The following ANO3 variants were observed in gnomAD, a reference collection of about 807,000 sequenced individuals.
ANO3 encodes the protein anoctamin-3.
In ANO3, 99 loss-of-function variants were observed where a neutral mutation model predicts 144.8. The observed-to-expected ratio is 0.68, with a 90% CI of 0.58 to 0.81. The LOEUF (loss-of-function observed/expected upper bound fraction) is 0.81. ANO3 is among the 30% of genes least tolerant of loss of function. ANO3 has a pLI of 0.00. For synonymous variants in ANO3, 414 were observed against 392.6 expected (o/e 1.05, Z -0.64); for missense variants, 905 against 1,202.2 (o/e 0.75, Z 3.66).
At chr11:26,231,909 G>A (rs1210176532) in intron 1 of ANO3, among the ~76,000 whole-genome samples, 1 of 152,206 alleles carries the variant, frequency 6.6e-6, no homozygotes, top group Non-Finnish European at 1.5e-5. Flanking sequence ...TAAGTTCACA[G>A]AGCTTATAAA....
intron 1 of ANO3, among the ~76,000 whole-genome samples, chr11:26,364,040 G>A (rs1300826713): frequency 6.6e-6 from 1 of 152,182 alleles, no homozygotes; most frequent in Non-Finnish European, 1.5e-5. Flanking sequence ...TTACTTAGAA[G>A]AATAGGTTGA....
chr11:26,315,679 A>G (rs868331126), intron 1 of ANO3, among the ~76,000 whole-genome samples: 1 of 143,342 alleles, frequency 7.0e-6, no homozygotes, highest in African/African-American at 2.6e-5. Context: ...CTATCTATCT[A>G]TCTATCCATC....
chr11:26,565,375 C>A (rs1850528495), intron 14 of ANO3: 1 of 1,613,034 alleles, frequency 6.2e-7, no homozygotes, highest in Non-Finnish European at 8.5e-7. Flanking sequence ...GAACTGTTAT[C>A]AGGAGTTTTC....
chr11:26,390,622 C>G (rs559173507), intron 1 of ANO3, among the ~76,000 whole-genome samples: 2 of 152,092 alleles, frequency 1.3e-5, no homozygotes, highest in Admixed American at 6.6e-5. Context: ...ATATGAACTT[C>G]ATAATGTAAG....
chr11:26,552,554 G>A (rs548240872), intron 12 of ANO3, among the ~76,000 whole-genome samples: 60 of 152,078 alleles, frequency 3.9e-4, no homozygotes, highest in African/African-American at 1.4e-3. Flanking sequence ...GAGGCTCTTC[G>A]GAAATTGTTA....
At chr11:26,355,566 C>T (rs10834969) in intron 1 of ANO3, among the ~76,000 whole-genome samples, 141,770 of 145,012 alleles carry the variant, frequency 0.98, 69,297 homozygotes, top group Middle Eastern at 1. Flanking sequence ...TTCTTTCTTT[C>T]TTTTTTTTTT....
intron 1 of ANO3, among the ~76,000 whole-genome samples, chr11:26,418,117 C>A (rs1042234756): frequency 6.6e-6 from 1 of 152,036 alleles, no homozygotes; most frequent in Admixed American, 6.6e-5. Context: ...CAGCCTTTGG[C>A]ACAGCATGGA....
At chr11:26,209,500 T>C (rs1851887271) in intron 1 of ANO3, among the ~76,000 whole-genome samples, 1 of 152,246 alleles carries the variant, frequency 6.6e-6, no homozygotes, top group South Asian at 2.1e-4. Context: ...ATCCTTTGGG[T>C]ATATACCCAG....
intron 1 of ANO3, among the ~76,000 whole-genome samples, chr11:26,236,998 A>G (rs938250293): frequency 6.6e-6 from 1 of 152,110 alleles, no homozygotes; most frequent in Non-Finnish European, 1.5e-5. Flanking sequence ...ACTATTGAAG[A>G]CTATCCTTTA....
In ANO3 at chr11:26,332,915, T is replaced by G. The variant is rs546680426; in HGVS notation, c.46+594T>G. Reference sequence around the variant, plus strand: ...TCTTCTAGGGGCTTCGTATTATGTCTTTTAGTTTCTCCCTCAAGTTTCTTG... The same window carrying G: ...TCTTCTAGGGGCTTCGTATTATGTCGTTTAGTTTCTCCCTCAAGTTTCTTG... On this transcript the variant is annotated intron_variant, in intron 1 of 26. Transcript: ENST00000256737. 8.2e-4 allele frequency among the ~76,000 whole-genome samples: 125 copies of G among 152,296 alleles called. 1 individual carries two copies. Among genetic ancestry groups the G allele is most frequent in the African/African-American group, 2.2e-3 (91 of 41,564 alleles).
At position 26,531,289 on chromosome 11, in the gene ANO3, G is replaced by T; in HGVS notation, c.822G>T (p.Glu274Asp). Residue 274 changes from glutamate to aspartate, a missense_variant, in exon 8 of 27, where the codon GAG (glutamate) becomes GAT (aspartate). This residue lies in a region of ANO3 where 71 missense variants were observed against 57.9 expected (regional missense o/e 1.23). Coordinates refer to ENST00000256737, the MANE Select transcript of ANO3 (RefSeq NM_031418.4). ...ACAAGTCAGCTTTTCCAGACCTAGA[G>T]GAGTCAGACTGCTATACTGGCCCCT... ...VLDKSAFPDL[E>D]ESDCYTGPFS... 6.2e-7 allele frequency: 1 copy of T among 1,613,986 alleles called. No homozygotes were observed. Among genetic ancestry groups the T allele is most frequent in the Non-Finnish European group, 8.5e-7 (1 of 1,179,968 alleles).
At chr11:26,227,231 T>C (rs1035528786) in intron 1 of ANO3, among the ~76,000 whole-genome samples, 1 of 152,186 alleles carries the variant, frequency 6.6e-6, no homozygotes, top group African/African-American at 2.4e-5. Context: ...CTTTGGGCTA[T>C]TGTGAATAAA....
chr11:26,236,978 G>A (rs10834929), intron 1 of ANO3, among the ~76,000 whole-genome samples: 53,279 of 151,906 alleles, frequency 0.35, 9,527 homozygotes, highest in Non-Finnish European at 0.37. Flanking sequence ...CCAGTTATCT[G>A]TAAGTTTCAA....
At chr11:26,527,714 T>C (rs1849201336) in intron 7 of ANO3, among the ~76,000 whole-genome samples, 2 of 152,174 alleles carry the variant, frequency 1.3e-5, no homozygotes, top group Admixed American at 6.5e-5. Flanking sequence ...GGATCATCCC[T>C]TCTCCAGCAG....
chr11:26,362,159 T>A (rs1855944863), intron 1 of ANO3, among the ~76,000 whole-genome samples: 1 of 152,186 alleles, frequency 6.6e-6, no homozygotes, highest in Non-Finnish European at 1.5e-5. Context: ...CGCACACTCA[T>A]AATTGTTCTC....
chr11:26,416,766 C>T (rs951463118), intron 1 of ANO3, among the ~76,000 whole-genome samples: 1 of 151,976 alleles, frequency 6.6e-6, no homozygotes, highest in Non-Finnish European at 1.5e-5. Context: ...CTGAACTCTA[C>T]TTAAGATATA....
chr11:26,367,583 A>G (rs1042216238), intron 1 of ANO3, among the ~76,000 whole-genome samples: 1 of 152,072 alleles, frequency 6.6e-6, no homozygotes, highest in Non-Finnish European at 1.5e-5. Context: ...ATGTTCAGCT[A>G]TCTTTATATT....
At chr11:26,241,684 T>A (rs1165792977) in intron 1 of ANO3, among the ~76,000 whole-genome samples, 1 of 152,212 alleles carries the variant, frequency 6.6e-6, no homozygotes, top group African/African-American at 2.4e-5. Context: ...ATTAATAAAA[T>A]CTAATATAAT....
intron 22 of ANO3, 86 bp from the exon 23 acceptor site, chr11:26,643,095 GA>G (rs1360281913): frequency 2.5e-6 from 3 of 1,209,452 alleles, no homozygotes; most frequent in Non-Finnish European, 3.6e-6. Flanking sequence ...TAAGGATGTT[GA>G]AAGCATTAAA....
Sources: allele counts gnomAD v4.1 joint callset (sites outside exome capture counted in the v4.1 genomes callset), GRCh38; gene constraint gnomAD v4.1.1; regional missense constraint gnomAD v4.1.1; transcripts MANE v1.5; gene names NCBI Gene and HGNC (gene_info 2026-07-23, HGNC 2026-07-21).